Variants in ADA2 observed in about 807,000 individuals in gnomAD.
The protein encoded by ADA2 is adenosine deaminase CECR1.
A neutral mutation model predicts 44.2 loss-of-function variants in ADA2; 29 were observed. That is an observed-to-expected ratio of 0.66 (90% CI 0.49 to 0.89). The LOEUF is 0.89. Ranked by LOEUF, ADA2 falls within the 40% of genes least tolerant of loss-of-function variation. ADA2 has a pLI of 0.00. For synonymous variants in ADA2, 215 were observed against 234.9 expected (o/e 0.92, Z 0.77); for missense variants, 637 against 644.8 (o/e 0.99, Z 0.13).
At chr22:17,195,284 G>C (rs568420660) in intron 4 of ADA2, among the ~76,000 whole-genome samples, 1 of 152,144 alleles carries the variant, frequency 6.6e-6, no homozygotes, top group Admixed American at 6.5e-5. Context: ...TTTGGGAGGC[G>C]GAGGCAGATC....
intron 1 of ADA2, among the ~76,000 whole-genome samples, chr22:17,214,484 C>T (rs1456042243): frequency 6.6e-5 from 10 of 152,230 alleles, no homozygotes; most frequent in African/African-American, 2.2e-4. Context: ...TTGCATCTAA[C>T]GCTCTGAGGC....
At chr22:17,185,798 G>T (rs1427149087) in intron 7 of ADA2, among the ~76,000 whole-genome samples, 1 of 152,100 alleles carries the variant, frequency 6.6e-6, no homozygotes, top group East Asian at 1.9e-4. Flanking sequence ...CTTAAGCCTG[G>T]GTGGGAAATG....
At chr22:17,215,042 T>A (rs2062455843) in intron 1 of ADA2, among the ~76,000 whole-genome samples, 1 of 152,086 alleles carries the variant, frequency 6.6e-6, no homozygotes. Flanking sequence ...TGCAGTCAAA[T>A]GGGAGGGCCC....
At chr22:17,201,167 C>G (rs554117626) in intron 4 of ADA2, among the ~76,000 whole-genome samples, 1 of 151,556 alleles carries the variant, frequency 6.6e-6, no homozygotes, top group South Asian at 2.1e-4. Flanking sequence ...CAAGATCATA[C>G]CACTACACTC....
Position 17,203,656 on chromosome 22 carries a change from G to A in ADA2, c.660C>T (p.Tyr220=), listed in dbSNP as rs2231487. ...IFFTISGLIH[Y]APVFRDYVFR... is the part of the protein sequence containing the mutation. Reference sequence around the variant, plus strand: ...AGACATAGTCTCTGAACACTGGTGCGTAATGGATGAGACCAGAGATGGTGA... The same window carrying A: ...AGACATAGTCTCTGAACACTGGTGCATAATGGATGAGACCAGAGATGGTGA... Residue 220 remains tyrosine, a synonymous_variant, in exon 4 of 10, where the codon TAC becomes TAT. Transcript: ENST00000399837. The A allele has an allele frequency of 9.5e-4, 1,530 of 1,613,894 alleles. 12 individuals are homozygous for A. The African/African-American group carries it at 0.015, about 16-fold the overall frequency.
chr22:17,212,192 T>C (rs1388900452), intron 1 of ADA2, among the ~76,000 whole-genome samples: 5 of 151,782 alleles, frequency 3.3e-5, no homozygotes, highest in African/African-American at 1.2e-4. Context: ...GCCCGGCTAA[T>C]TTTTTTATAT....
Position 17,193,358 on chromosome 22 carries a change from C to CA in ADA2, c.754-1549dup, listed in dbSNP as rs71200244. ...TGTTTAAATAAAACCGTAAAAACTG[C>CA]AAAAAAAAAAAAAAAAAAAAAAAAA... On this transcript the variant is annotated intron_variant, in intron 4 of 9. Coordinates refer to ENST00000399837, the MANE Select transcript of ADA2 (RefSeq NM_001282225.2). The CA allele has an allele frequency of 7.9e-3, 524 of 66,316 alleles. 43 individuals carry two copies. The highest frequency in any genetic ancestry group is 0.026 in the African/African-American group (221 of 8,642). 4.1% of individuals were successfully genotyped at this position (66,316 alleles called of 1,614,324 possible). A position where few individuals can be genotyped will look rare whatever the true frequency, so the allele number is the denominator to read the frequency against.
chr22:17,197,777 G>A (rs5994195), intron 4 of ADA2, among the ~76,000 whole-genome samples: 16,428 of 152,188 alleles, frequency 0.11, 1,401 homozygotes, highest in African/African-American at 0.23. Context: ...GGTGGCTCAC[G>A]CCTATAATCC....
intron 1 of ADA2, among the ~76,000 whole-genome samples, chr22:17,218,347 A>G (rs1212485018): frequency 6.6e-6 from 1 of 152,170 alleles, no homozygotes; most frequent in African/African-American, 2.4e-5. Flanking sequence ...TTTAAGAAGG[A>G]ACTAGTATCA....
chr22:17,189,627 C>T (rs1243381126), intron 6 of ADA2, among the ~76,000 whole-genome samples: 1 of 152,194 alleles, frequency 6.6e-6, no homozygotes, highest in Admixed American at 6.5e-5. Context: ...CAGGCAGGGC[C>T]ATGGGGAATG....
rs538307798 is a variant in ADA2, at chr22:17,189,480, G to T, written c.972+462C>A. On this transcript the variant is annotated intron_variant, in intron 6 of 9. Coordinates refer to ENST00000399837, the MANE Select transcript of ADA2 (RefSeq NM_001282225.2). ...GAGGGACAAATATCACTACCTTGAG[G>T]ATTTGCAAAGGCCTGGCTCCATCCT... 1.1e-4 allele frequency among the ~76,000 whole-genome samples: 16 copies of T among 152,244 alleles called. No homozygotes were observed. In the South Asian group the frequency reaches 3.3e-3, roughly 32 times the overall value.
rs796662081 is a variant in ADA2 at position 17,208,838 on chromosome 22, A to ATTTTTTTTTTTTTT, written c.322+517_322+518insAAAAAAAAAAAAAA. ...TTTTTTAATAAAAAAAAAAATTAACATTTTTTGGGGAACAGGGTCTTGCTC... is the reference window on the plus strand; with the variant it reads ...TTTTTTAATAAAAAAAAAAATTAACATTTTTTTTTTTTTTTTTTTTGGGGAACAGGGTCTTGCTC... On this transcript the variant is annotated intron_variant, in intron 2 of 9. Coordinates refer to ENST00000399837, the MANE Select transcript of ADA2 (RefSeq NM_001282225.2). 2.4e-3 allele frequency among the ~76,000 whole-genome samples: 347 copies of ATTTTTTTTTTTTTT among 142,832 alleles called. 4 individuals carry two copies. Among genetic ancestry groups the ATTTTTTTTTTTTTT allele is most frequent in the East Asian group, 5.9e-3 (27 of 4,540 alleles). The allele number at this position is 142,832 out of a possible 152,430, so 93.7% of individuals were successfully genotyped here. A position where few individuals can be genotyped will look rare whatever the true frequency, so the allele number is the denominator to read the frequency against.
chr22:17,182,710 TTCAGCATCAGAGCA>T lies in ADA2; in HGVS notation c.1119_1132del (p.Asp373GlufsTer35), dbSNP rs2061987680. The T allele has an allele frequency of 1.2e-6, 2 of 1,613,990 alleles. No homozygotes were observed. The highest frequency in any genetic ancestry group is 4.5e-5 in the East Asian group (2 of 44,856). The stretch of plus-strand genomic sequence containing the variant: ...AAATCCATGGCCGATTCTGGTAGTG[TTCAGCATCAGAGCA>T]TCCAGAATGTTCCTGTCTATGGAAG... On this transcript the variant is annotated frameshift_variant, in exon 8 of 10. Coordinates refer to ENST00000399837, the MANE Select transcript of ADA2 (RefSeq NM_001282225.2). LOFTEE classifies it high-confidence loss of function.
chr22:17,200,449 C>G (rs2062265253), intron 4 of ADA2, among the ~76,000 whole-genome samples: 1 of 152,158 alleles, frequency 6.6e-6, no homozygotes, highest in African/African-American at 2.4e-5. Context: ...CCTCCCACTT[C>G]TCAAGAACTC....
At chr22:17,187,927 AC>A (rs1298988215) in intron 7 of ADA2, among the ~76,000 whole-genome samples, 4 of 151,970 alleles carry the variant, frequency 2.6e-5, no homozygotes, top group Middle Eastern at 3.4e-3. Context: ...ACACGGTGAA[AC>A]CCCGTCTCTA....
chr22:17,186,474 C>T (rs966812516), intron 7 of ADA2, among the ~76,000 whole-genome samples: 6 of 151,806 alleles, frequency 4.0e-5, no homozygotes, highest in Middle Eastern at 3.4e-3. Context: ...CCCAGCTACT[C>T]GGGAGGCTGA....
rs761142224 is a variant in ADA2 at position 17,209,708 on chromosome 22, T to C, written c.-31A>G. ...TGCCTGGACTAGGAAAGGGCTCAGA[T>C]GGAGACTCCACGGGACTGCAAAGGA... On this transcript the variant is annotated 5_prime_UTR_variant, in exon 2 of 10. Transcript: ENST00000399837. The C allele has an allele frequency of 1.3e-4, 206 of 1,582,870 alleles. 1 individual carries two copies. In the South Asian group the frequency reaches 1.5e-3, roughly 12 times the overall value.
intron 4 of ADA2, chr22:17,199,883 C>T: frequency 1.7e-6 from 1 of 600,282 alleles, no homozygotes; most frequent in Non-Finnish European, 2.5e-6. Flanking sequence ...AGTTCCAGAC[C>T]AGCCTGGGCA....
rs2062043985 is a variant in ADA2, at chr22:17,187,081, G to T, written c.1081+1258C>A. Among the ~76,000 whole-genome samples, 4 of 146,654 alleles carry T rather than the reference G, an allele frequency of 2.7e-5. No individual in the cohort carries two copies. In the South Asian group the frequency reaches 8.6e-4, roughly 32 times the overall value. ...CTTGGGAGGCTGAGGCAGGAGAATGGCATGAACCCAGGAAGCCGAGCTTGC... is the reference window on the plus strand; with the variant it reads ...CTTGGGAGGCTGAGGCAGGAGAATGTCATGAACCCAGGAAGCCGAGCTTGC... On this transcript the variant is annotated intron_variant, in intron 7 of 9. Transcript: ENST00000399837.
Sources: allele counts gnomAD v4.1 joint callset (sites outside exome capture counted in the v4.1 genomes callset), GRCh38; gene constraint gnomAD v4.1.1; transcripts MANE v1.5; gene names NCBI Gene and HGNC (gene_info 2026-07-23, HGNC 2026-07-21).